Variants in ADAM21 observed in about 807,000 individuals in gnomAD.
ADAM21 encodes the protein ADAM metallopeptidase domain 21, also known as disintegrin and metalloproteinase domain-containing protein 21.
For synonymous variants in ADAM21, 262 were observed against 306.0 expected, an observed-to-expected ratio of 0.86 and a Z score of 1.50; for missense variants, 678 against 874.4, an observed-to-expected ratio of 0.78 and a Z score of 2.83.
rs1455086367 is a variant in ADAM21, at chr14:70,459,057, A to G, written c.1558A>G (p.Lys520Glu). ...HDQHCREIFG[K>E]DAKSASQNCY... ...CCAGCATTGCAGGGAGATTTTTGGT[A>G]AAGATGCAAAAAGTGCATCTCAGAA... is the stretch of plus-strand genomic sequence containing the variant. Residue 520 changes from lysine to glutamate, a missense_variant, in exon 2 of 2, where the codon AAA (lysine) becomes GAA (glutamate). Lys to Glu is a moderately conservative substitution (Grantham distance 56). Coordinates refer to ENST00000603540, the MANE Select transcript of ADAM21 (RefSeq NM_003813.4). 1.9e-6 allele frequency: 3 copies of G among 1,613,722 alleles called. No individual in the cohort carries two copies. Among genetic ancestry groups the G allele is most frequent in the Admixed American group, 3.3e-5 (2 of 59,978 alleles).
chr14:70,458,140 T>A lies in ADAM21; in HGVS notation c.641T>A (p.Val214Asp). 1 of 1,613,830 alleles carries A rather than the reference T, an allele frequency of 6.2e-7. No individual in the cohort carries two copies. Among genetic ancestry groups the A allele is most frequent in the Non-Finnish European group, 8.5e-7 (1 of 1,179,810 alleles). Residue 214 changes from valine (V) to aspartate (D), a missense_variant, in exon 2 of 2, where the codon GTT becomes GAT. Physicochemically the swap from Val to Asp is radical, Grantham distance 152. Transcript: ENST00000603540. ...WTHAWFLELV[V>D]VVNHDFFIYS... ...CATGCATGGTTTCTGGAGCTAGTTG[T>A]TGTGGTGAACCATGATTTCTTCATT...
chr14:70,458,775 C>T lies in ADAM21; in HGVS notation c.1276C>T (p.Gln426Ter), dbSNP rs142811319. Residue 426 changes from glutamine to a stop codon, truncating the protein, a stop_gained, in exon 2 of 2, where the codon CAG becomes TAG. Transcript: ENST00000603540. LOFTEE classifies it low-confidence loss of function (END_TRUNC). ...AGAGCAGTGTGACTGTGGATCCGTACAGCAGTGTGAACAAGACGCCTGTTG... is the reference window on the plus strand; with the variant it reads ...AGAGCAGTGTGACTGTGGATCCGTATAGCAGTGTGAACAAGACGCCTGTTG... ...REEQCDCGSV[Q>*]QCEQDACCLL... is the part of the protein sequence containing the mutation. The T allele has an allele frequency of 6.2e-7, 1 of 1,614,040 alleles. No individual in the cohort carries two copies. Among genetic ancestry groups the T allele is most frequent in the African/African-American group, 1.3e-5 (1 of 74,910 alleles).
chr14:70,452,423 T>C (rs988891741), intron 1 of ADAM21, among the ~76,000 whole-genome samples, 160 bp downstream of exon 1: 9 of 152,208 alleles, frequency 5.9e-5, no homozygotes, highest in Non-Finnish European at 1.3e-4. Context: ...TGGAGTGCAG[T>C]GGCGCGATCT....
chr14:70,453,416 C>G (rs192420073), intron 1 of ADAM21: 1 of 152,124 alleles, frequency 6.6e-6, no homozygotes. Flanking sequence ...CCTGATAGTC[C>G]GCTGACATTA....
At chr14:70,453,934 G>C (rs529754969) in intron 1 of ADAM21, among the ~76,000 whole-genome samples, 2 of 152,308 alleles carry the variant, frequency 1.3e-5, no homozygotes, top group South Asian at 4.1e-4. Context: ...ATAATGTTCA[G>C]CTTGAAACAA....
chr14:70,459,124 A>C lies in ADAM21; in HGVS notation c.1625A>C (p.His542Pro). 6.2e-7 allele frequency: 1 copy of C among 1,612,576 alleles called. No homozygotes were observed. Among genetic ancestry groups the C allele is most frequent in the Non-Finnish European group, 8.5e-7 (1 of 1,179,110 alleles). ...EINSQGNRFG[H>P]CGINGTTYLK... The stretch of plus-strand genomic sequence containing the variant: ...AATTCTCAGGGAAACCGTTTTGGTC[A>C]CTGTGGTATAAATGGCACAACATAC... Residue 542 changes from histidine to proline, a missense_variant, in exon 2 of 2, where the codon CAC (histidine) becomes CCC (proline). Physicochemically the swap from His to Pro is moderately conservative, Grantham distance 77. Coordinates refer to ENST00000603540, the MANE Select transcript of ADAM21 (RefSeq NM_003813.4).
rs1882466748 is a variant in ADAM21, at chr14:70,458,677, G to A, written c.1178G>A (p.Cys393Tyr). 8.1e-6 allele frequency: 13 copies of A among 1,614,068 alleles called. No individual in the cohort carries two copies. The highest frequency in any genetic ancestry group is 1.1e-5 in the Non-Finnish European group (13 of 1,180,006). The change falls in exon 2 of 2, where the codon TGT becomes TAT. Residue 393 changes from cysteine to tyrosine, a missense_variant. Physicochemically the swap from Cys to Tyr is radical, Grantham distance 194. Coordinates refer to ENST00000603540, the MANE Select transcript of ADAM21 (RefSeq NM_003813.4). ...AAGACCACCTTAAACCAGGGATCAT[G>A]TCTGCATAATCCTCCAAGATTGGGG... is the stretch of plus-strand genomic sequence containing the variant. ...FMKTTLNQGS[C>Y]LHNPPRLGEI...
At chr14:70,453,256 G>A (rs1227118135) in intron 1 of ADAM21, among the ~76,000 whole-genome samples, 4 of 152,202 alleles carry the variant, frequency 2.6e-5, no homozygotes, top group African/African-American at 9.6e-5. Context: ...ACTCTAATGG[G>A]ACAGATATTA....
chr14:70,456,515 C>T (rs1315520455), intron 1 of ADAM21, among the ~76,000 whole-genome samples: 1 of 152,094 alleles, frequency 6.6e-6, no homozygotes, highest in Non-Finnish European at 1.5e-5. Flanking sequence ...AGTTCCTTTT[C>T]GGAAGACCTT....
intron 1 of ADAM21, among the ~76,000 whole-genome samples, chr14:70,453,663 A>T (rs4641669): frequency 0.29 from 44,635 of 152,076 alleles, 6,589 homozygotes; most frequent in Middle Eastern, 0.35. Flanking sequence ...ATCTTTGATT[A>T]GTTCTTCCCA....
rs773176656 is a variant in ADAM21, at chr14:70,457,897, G to A, written c.398G>A (p.Arg133Gln). 17 of 1,613,928 alleles carry A rather than the reference G, an allele frequency of 1.1e-5. No individual in the cohort carries two copies. Among genetic ancestry groups the A allele is most frequent in the Admixed American group, 8.3e-5 (5 of 59,992 alleles). The change falls in exon 2 of 2, where the codon CGA becomes CAA. Residue 133 changes from arginine to glutamine, a missense_variant. Transcript: ENST00000603540. ...VVFSACFGGFRGVLKISGLTY... is the reference protein window; with the variant it reads ...VVFSACFGGFQGVLKISGLTY... The stretch of plus-strand genomic sequence containing the variant: ...TTCAGTGCTTGTTTTGGGGGCTTTC[G>A]AGGAGTATTAAAAATAAGTGGCCTC...
Position 70,459,279 on chromosome 14 carries a change from G to A in ADAM21, c.1780G>A (p.Asp594Asn). 1 of 1,614,198 alleles carries A rather than the reference G, an allele frequency of 6.2e-7. No homozygotes were observed. The highest frequency in any genetic ancestry group is 1.3e-5 in the African/African-American group (1 of 75,046). The change falls in exon 2 of 2, where the codon GAC (aspartate) becomes AAC (asparagine). Residue 594 changes from aspartate (D) to asparagine (N), a missense_variant. Physicochemically the swap from Asp to Asn is conservative, Grantham distance 23. Coordinates refer to ENST00000603540, the MANE Select transcript of ADAM21 (RefSeq NM_003813.4). ...CAATGGTGTCACCTGCTGGGGTATT[G>A]ACTATCATTTAAGGATGAACATATC... ...HINGVTCWGIDYHLRMNISDI... is the reference protein window; with the variant it reads ...HINGVTCWGINYHLRMNISDI...
chr14:70,458,421 G>T lies in ADAM21; in HGVS notation c.922G>T (p.Gly308Cys), dbSNP rs758458426. ...FIKNSLISIL[G>C]LAYVAGICRP... ...AAAAAATTCACTTATAAGTATACTT[G>T]GCCTAGCCTATGTTGCAGGAATATG... Residue 308 changes from glycine to cysteine, a missense_variant, in exon 2 of 2, where the codon GGC (glycine) becomes TGC (cysteine). Coordinates refer to ENST00000603540, the MANE Select transcript of ADAM21 (RefSeq NM_003813.4). 10 of 1,614,130 alleles carry T rather than the reference G, an allele frequency of 6.2e-6. No individual in the cohort carries two copies. Among genetic ancestry groups the T allele is most frequent in the Non-Finnish European group, 8.5e-6 (10 of 1,180,026 alleles).
intron 1 of ADAM21, among the ~76,000 whole-genome samples, chr14:70,452,669 T>C (rs528072990): frequency 6.6e-6 from 1 of 152,272 alleles, no homozygotes; most frequent in South Asian, 2.1e-4. Flanking sequence ...CCCGGCGTGT[T>C]TTCATTTTTA....
At position 70,457,597 on chromosome 14, in the gene ADAM21, C is replaced by A; in HGVS notation, c.98C>A (p.Pro33His). 1.2e-6 allele frequency: 2 copies of A among 1,613,880 alleles called. No homozygotes were observed. The highest frequency in any genetic ancestry group is 1.7e-6 in the Non-Finnish European group (2 of 1,179,938). Residue 33 changes from proline to histidine, a missense_variant, in exon 2 of 2, where the codon CCC becomes CAC. By Grantham distance (77) the Pro-to-His change is moderately conservative. Coordinates refer to ENST00000603540, the MANE Select transcript of ADAM21 (RefSeq NM_003813.4). ...ATTTCCGGCTACTGTCAGGCTGGGC[C>A]CTCCCAGCATTTCACTTCCCCGGAA... is the stretch of plus-strand genomic sequence containing the variant. ...LSISGYCQAG[P>H]SQHFTSPEVV... is the part of the protein sequence containing the mutation.
chr14:70,458,413 G>T lies in ADAM21; in HGVS notation c.914G>T (p.Ser305Ile). Residue 305 changes from serine to isoleucine, a missense_variant, in exon 2 of 2, where the codon AGT (serine) becomes ATT (isoleucine). Physicochemically the swap from Ser to Ile is moderately radical, Grantham distance 142. Transcript: ENST00000603540. ...ATGTTCATAAAAAATTCACTTATAA[G>T]TATACTTGGCCTAGCCTATGTTGCA... ...AHMFIKNSLI[S>I]ILGLAYVAGI... 1 of 1,614,144 alleles carries T rather than the reference G, an allele frequency of 6.2e-7. No individual in the cohort carries two copies. The highest frequency in any genetic ancestry group is 8.5e-7 in the Non-Finnish European group (1 of 1,180,020).
intron 1 of ADAM21, among the ~76,000 whole-genome samples, chr14:70,456,360 T>C (rs1218853018): frequency 1.3e-5 from 2 of 152,144 alleles, no homozygotes; most frequent in Non-Finnish European, 2.9e-5. Context: ...AATGGATAAG[T>C]GTTGCCAGCC....
chr14:70,458,424 C>T lies in ADAM21; in HGVS notation c.925C>T (p.Leu309=). The change falls in exon 2 of 2, where the codon CTA becomes TTA. Residue 309 remains leucine (L), a synonymous_variant. Transcript: ENST00000603540. ...IKNSLISILG[L]AYVAGICRPP... is the part of the protein sequence containing the mutation. Reference sequence around the variant, plus strand: ...AAATTCACTTATAAGTATACTTGGCCTAGCCTATGTTGCAGGAATATGTCG... The same window carrying T: ...AAATTCACTTATAAGTATACTTGGCTTAGCCTATGTTGCAGGAATATGTCG... 6.2e-7 allele frequency: 1 copy of T among 1,614,166 alleles called. No homozygotes were observed. The highest frequency in any genetic ancestry group is 8.5e-7 in the Non-Finnish European group (1 of 1,180,038).
rs755473553 is a variant in ADAM21, at chr14:70,459,679, C to T, written c.*11C>T. 1 of 1,611,988 alleles carries T rather than the reference C, an allele frequency of 6.2e-7. No homozygotes were observed. The highest frequency in any genetic ancestry group is 8.5e-7 in the Non-Finnish European group (1 of 1,178,902). On this transcript the variant is annotated 3_prime_UTR_variant, in exon 2 of 2. Coordinates refer to ENST00000603540, the MANE Select transcript of ADAM21 (RefSeq NM_003813.4). ...CATTCATCAGGTTAAGAAAATGTCT[C>T]TAACTTAATATTCCATGCATTAGTA... is the stretch of plus-strand genomic sequence containing the variant.
Sources: allele counts gnomAD v4.1 joint callset (sites outside exome capture counted in the v4.1 genomes callset), GRCh38; gene constraint gnomAD v4.1.1; transcripts MANE v1.5; gene names NCBI Gene and HGNC (gene_info 2026-07-23, HGNC 2026-07-21).